Variants in CFAP91 observed in about 807,000 individuals in gnomAD.
CFAP91 encodes the protein cilia and flagella associated protein 91, also known as cilia- and flagella-associated protein 91.
CFAP91 carries 85 observed loss-of-function variants against 95.9 expected under a neutral mutation model. The observed-to-expected ratio is 0.89, with a 90% CI of 0.74 to 1.06. CFAP91 has a LOEUF of 1.06. Ranked by LOEUF, CFAP91 falls within the 50% of genes least tolerant of loss-of-function variation. The probability of loss-of-function intolerance (pLI) is 0.00; values close to 1 mark genes in which losing one functional copy is unlikely to be tolerated. For synonymous variants in CFAP91, 335 were observed against 327.5 expected (o/e 1.02, Z -0.25); for missense variants, 962 against 943.4 (o/e 1.02, Z -0.26).
intron 14 of CFAP91, 105 bp downstream of exon 14, chr3:119,744,301 AGTTCCT>A: frequency 1.2e-6 from 1 of 863,910 alleles, no homozygotes; most frequent in Non-Finnish European, 1.8e-6. Context: ...TTATGCATTG[AGTTCCT>A]ACTGTATGCC....
intron 10 of CFAP91, among the ~76,000 whole-genome samples, chr3:119,734,876 G>A (rs1327242003): frequency 6.6e-6 from 1 of 152,116 alleles, no homozygotes; most frequent in African/African-American, 2.4e-5. Flanking sequence ...CACTTTGGTA[G>A]AATATGCATA....
At chr3:119,731,713 T>C (rs934558218) in intron 8 of CFAP91, among the ~76,000 whole-genome samples, 2 of 152,258 alleles carry the variant, frequency 1.3e-5, no homozygotes, top group Non-Finnish European at 2.9e-5. Flanking sequence ...CAAAAGGTCT[T>C]GGGTCTGTGA....
chr3:119,736,571 C>T (rs551000276), intron 10 of CFAP91, among the ~76,000 whole-genome samples: 10 of 152,214 alleles, frequency 6.6e-5, no homozygotes, highest in South Asian at 4.1e-4. Context: ...CCACCGCGCC[C>T]GGCCTATTCT....
chr3:119,733,233 A>G (rs1292999627), intron 9 of CFAP91, 131 bp from the exon 10 acceptor site: 8 of 825,352 alleles, frequency 9.7e-6, no homozygotes, highest in Non-Finnish European at 1.5e-5. Context: ...ACTTCATTCT[A>G]TTATATGAGA....
At chr3:119,762,844 A>G (rs1457692450) in intron 17 of CFAP91, among the ~76,000 whole-genome samples, 1 of 152,072 alleles carries the variant, frequency 6.6e-6, no homozygotes, top group Non-Finnish European at 1.5e-5. Flanking sequence ...ATACTTAAGC[A>G]TAAGTCCTGA....
chr3:119,739,388 T>C (rs2054073493), intron 12 of CFAP91, 62 bp downstream of exon 12: 1 of 1,468,302 alleles, frequency 6.8e-7, no homozygotes, highest in Non-Finnish European at 9.5e-7. Flanking sequence ...TTAGAATGCA[T>C]ATGTGCTTGG....
At chr3:119,703,541 G>A (rs1389327663) in intron 1 of CFAP91, among the ~76,000 whole-genome samples, 1 of 152,228 alleles carries the variant, frequency 6.6e-6, no homozygotes, top group African/African-American at 2.4e-5. Flanking sequence ...TTCACTCAAC[G>A]TTCCTGCATA....
intron 6 of CFAP91, among the ~76,000 whole-genome samples, chr3:119,719,434 A>G (rs888068303): frequency 6.6e-6 from 1 of 152,212 alleles, no homozygotes; most frequent in Non-Finnish European, 1.5e-5. Flanking sequence ...AAGATAAGGG[A>G]AAAATAACGA....
chr3:119,749,425 G>A (rs569030910), intron 16 of CFAP91, among the ~76,000 whole-genome samples: 1 of 152,108 alleles, frequency 6.6e-6, no homozygotes, highest in African/African-American at 2.4e-5. Context: ...TCAGGAGACT[G>A]AAGTGGGAGG....
intron 6 of CFAP91, among the ~76,000 whole-genome samples, chr3:119,723,093 A>G (rs940089026): frequency 6.6e-6 from 1 of 152,188 alleles, no homozygotes; most frequent in Non-Finnish European, 1.5e-5. Context: ...CAAAAGCAAA[A>G]GCAACAATAC....
In CFAP91 at chr3:119,746,439, A is replaced by G. The variant is rs114236395; in HGVS notation, c.1903-676A>G. Among the ~76,000 whole-genome samples the G allele has an allele frequency of 1.5e-3, 228 of 152,354 alleles. 1 individual carries two copies. Among genetic ancestry groups the G allele is most frequent in the African/African-American group, 5.3e-3 (221 of 41,582 alleles). ...GCTGGTATGATAGTTCAATAAATTC[A>G]TTAGAGACCCAGGATCCTTCTAGCT... On this transcript the variant is annotated intron_variant, in intron 14 of 17. Coordinates refer to ENST00000273390, the MANE Select transcript of CFAP91 (RefSeq NM_033364.4).
Position 119,744,061 on chromosome 3 carries a change from A to G in CFAP91, c.1767A>G (p.Arg589=). ...ACTTCCTGTCCAAAGAGCTGGTGAG[A>G]CTGCAGGAGGAGAGGAGGATCCATG... ...MFDFLSKELV[R]LQEERRIHAF... Residue 589 remains arginine, a synonymous_variant, in exon 14 of 18, where the codon AGA becomes AGG. Transcript: ENST00000273390. 1 of 1,614,230 alleles carries G rather than the reference A, an allele frequency of 6.2e-7. No homozygotes were observed. The highest frequency in any genetic ancestry group is 8.5e-7 in the Non-Finnish European group (1 of 1,180,020).
intron 4 of CFAP91, 38 bp from the exon 5 acceptor site, chr3:119,709,801 A>C (rs1360283052): frequency 2.0e-6 from 3 of 1,517,440 alleles, no homozygotes; most frequent in African/African-American, 1.4e-5. Context: ...CATTCATTGC[A>C]AAAGTCCCAC....
Position 119,729,537 on chromosome 3 carries a change from G to A in CFAP91, c.861-683G>A, listed in dbSNP as rs374319225. Among the ~76,000 whole-genome samples, 6 of 152,016 alleles carry A rather than the reference G, an allele frequency of 3.9e-5. No individual in the cohort carries two copies. In the South Asian group the frequency reaches 8.3e-4, roughly 21 times the overall value. Reference sequence around the variant, plus strand: ...TGGGTGCCTGTAGTCCCAGCTACTCGGGAGGCTGACCCATGAAAACTGCTT... The same window carrying A: ...TGGGTGCCTGTAGTCCCAGCTACTCAGGAGGCTGACCCATGAAAACTGCTT... On this transcript the variant is annotated intron_variant, in intron 7 of 17. Coordinates refer to ENST00000273390, the MANE Select transcript of CFAP91 (RefSeq NM_033364.4).
At chr3:119,704,791 C>A (rs1364713236) in intron 1 of CFAP91, among the ~76,000 whole-genome samples, 3 of 152,126 alleles carry the variant, frequency 2.0e-5, no homozygotes, top group Non-Finnish European at 4.4e-5. Context: ...TGAAAAACTC[C>A]AATTACTTCG....
At chr3:119,731,342 AAAAC>A (rs1219168383) in intron 8 of CFAP91, among the ~76,000 whole-genome samples, 2 of 152,216 alleles carry the variant, frequency 1.3e-5, no homozygotes, top group African/African-American at 4.8e-5. Flanking sequence ...TTTTCCAACA[AAAAC>A]AAAACAATCA....
Position 119,748,519 on chromosome 3 carries a change from C to T in CFAP91, c.2143+617C>T, listed in dbSNP as rs543199145. ...GAGGCTGCTGATGGCAGGCTTGATC[C>T]TAGACAGAGGGGTGCAACCAGGAGA... On this transcript the variant is annotated intron_variant, in intron 16 of 17. Coordinates refer to ENST00000273390, the MANE Select transcript of CFAP91 (RefSeq NM_033364.4). Among the ~76,000 whole-genome samples, 3 of 152,258 alleles carry T rather than the reference C, an allele frequency of 2.0e-5. No individual in the cohort carries two copies. The East Asian group carries it at 5.8e-4, about 29-fold the overall frequency.
intron 6 of CFAP91, among the ~76,000 whole-genome samples, chr3:119,723,945 AG>A (rs2107875713): frequency 6.6e-6 from 1 of 152,232 alleles, no homozygotes; most frequent in South Asian, 2.1e-4. Context: ...AGATCACCTG[AG>A]GTCAGGAGTT....
intron 6 of CFAP91, among the ~76,000 whole-genome samples, chr3:119,719,475 C>T (rs1336635254): frequency 1.3e-5 from 2 of 152,116 alleles, no homozygotes; most frequent in Non-Finnish European, 2.9e-5. Context: ...GTAAGCACTG[C>T]GGGGATAAAA....
Sources: gnomAD v4.1 joint callset for allele counts (sites outside exome capture counted in the v4.1 genomes callset) on GRCh38, gnomAD v4.1.1 for gene constraint, MANE v1.5 for transcripts, NCBI Gene and HGNC (gene_info 2026-07-23, HGNC 2026-07-21) for gene names.